The following ASIC2 variants were observed in gnomAD, a reference collection of about 807,000 sequenced individuals.
ASIC2 encodes acid-sensing ion channel 2.
In ASIC2, 25 loss-of-function variants were observed where a neutral mutation model predicts 57.3. The observed-to-expected ratio is 0.44, with a 90% CI of 0.32 to 0.61. The LOEUF is 0.61. Among genes scored for constraint, ASIC2 ranks in the 20% least tolerant of loss-of-function variants. The pLI, the probability that ASIC2 is intolerant of heterozygous loss-of-function variation, is 0.06. For missense variants in ASIC2, 641 were observed against 738.1 expected (o/e 0.87, Z 1.52); for synonymous variants, 319 against 307.5 (o/e 1.04, Z -0.39).
intron 1 of ASIC2, among the ~76,000 whole-genome samples, chr17:33,212,399 G>A (rs948674198): frequency 1.3e-5 from 2 of 152,102 alleles, no homozygotes; most frequent in Admixed American, 6.5e-5. Flanking sequence ...GGAATGTGGC[G>A]GCCCCTAGAA....
intron 1 of ASIC2, among the ~76,000 whole-genome samples, chr17:33,646,401 T>C (rs1906740918): frequency 6.6e-6 from 1 of 152,292 alleles, no homozygotes; most frequent in African/African-American, 2.4e-5. Context: ...GATGCTAGCA[T>C]GGGAGTGAAG....
Position 33,292,070 on chromosome 17 carries a change from C to G in ASIC2, c.46G>C (p.Gly16Arg). 1 of 1,073,084 alleles carries G rather than the reference C, an allele frequency of 9.3e-7. No homozygotes were observed. The highest frequency in any genetic ancestry group is 1.1e-6 in the Non-Finnish European group (1 of 890,224). 66.5% of individuals were successfully genotyped at this position (1,073,084 alleles called of 1,614,324 possible). A position where few individuals can be genotyped will look rare whatever the true frequency, so the allele number is the denominator to read the frequency against. Residue 16 changes from glycine (G) to arginine (R), a missense_variant, in exon 1 of 10, where the codon GGC (glycine) becomes CGC (arginine). By Grantham distance (125) the Gly-to-Arg change is moderately radical (BLOSUM62 -2). Transcript: ENST00000225823. ...CGGGCCATGCGGAAGCGTCCCGGGC[C>G]GGTGAGCGCGGCTGCGGGCAGCCCG... is the stretch of plus-strand genomic sequence containing the variant. Reference protein sequence around the residue: ...GAGLPAAALTGPGRFRMAREE... With the variant: ...GAGLPAAALTRPGRFRMAREE...
At chr17:33,193,617 C>G (rs2142070707) in intron 1 of ASIC2, among the ~76,000 whole-genome samples, 1 of 152,294 alleles carries the variant, frequency 6.6e-6, no homozygotes, top group East Asian at 1.9e-4. Flanking sequence ...CTGACAGGTA[C>G]AGCATGTGGA....
intron 1 of ASIC2, among the ~76,000 whole-genome samples, chr17:33,167,679 A>G (rs1347810672): frequency 2.0e-5 from 3 of 152,216 alleles, no homozygotes; most frequent in Non-Finnish European, 2.9e-5. Flanking sequence ...GTCTTAACCC[A>G]ATAGTGCGAC....
chr17:33,069,826 A>G (rs1042265790), intron 3 of ASIC2, among the ~76,000 whole-genome samples: 1 of 152,136 alleles, frequency 6.6e-6, no homozygotes, highest in African/African-American at 2.4e-5. Context: ...TGGTTAAACC[A>G]TTTGCATTAA....
chr17:34,090,158 A>AG (rs1028226450), intron 1 of ASIC2, among the ~76,000 whole-genome samples: 1 of 152,160 alleles, frequency 6.6e-6, no homozygotes, highest in Non-Finnish European at 1.5e-5. Flanking sequence ...GTGGAGGGCT[A>AG]GGGGGATGTG....
chr17:33,045,860 A>G (rs1440858539), intron 3 of ASIC2, among the ~76,000 whole-genome samples: 2 of 152,046 alleles, frequency 1.3e-5, no homozygotes, highest in Non-Finnish European at 2.9e-5. Flanking sequence ...CCTGAGTCCA[A>G]CTTCCACCCT....
intron 1 of ASIC2, among the ~76,000 whole-genome samples, chr17:33,730,649 A>C (rs1405567751): frequency 2.6e-5 from 4 of 152,230 alleles, no homozygotes; most frequent in Non-Finnish European, 4.4e-5. Flanking sequence ...AGTCTTGCTT[A>C]CTTTGTTAAA....
intron 1 of ASIC2, among the ~76,000 whole-genome samples, chr17:33,898,712 T>A (rs1312289479): frequency 6.6e-6 from 1 of 152,220 alleles, no homozygotes; most frequent in Admixed American, 6.5e-5. Flanking sequence ...TTTGTCAGCA[T>A]ATCTTTTTAT....
At chr17:33,915,339 G>A (rs1344652174) in intron 1 of ASIC2, among the ~76,000 whole-genome samples, 1 of 152,088 alleles carries the variant, frequency 6.6e-6, no homozygotes, top group Non-Finnish European at 1.5e-5. Context: ...GCATGAATGG[G>A]CCCCACCTCC....
intron 1 of ASIC2, among the ~76,000 whole-genome samples, chr17:33,244,078 G>A (rs1446950190): frequency 6.6e-6 from 1 of 152,114 alleles, no homozygotes; most frequent in African/African-American, 2.4e-5. Context: ...GCTAACTGTG[G>A]TGCTGAGGGA....
At chr17:33,454,154 T>G (rs549025046) in intron 1 of ASIC2, among the ~76,000 whole-genome samples, 26 of 152,350 alleles carry the variant, frequency 1.7e-4, no homozygotes, top group African/African-American at 6.3e-4. Context: ...TTTCTTTTAC[T>G]TGTCCCCAGC....
At chr17:33,572,719 T>C (rs1171615296) in intron 1 of ASIC2, among the ~76,000 whole-genome samples, 1 of 152,188 alleles carries the variant, frequency 6.6e-6, no homozygotes, top group African/African-American at 2.4e-5. Context: ...TGTGAGTAAA[T>C]AGGACCAATG....
intron 1 of ASIC2, among the ~76,000 whole-genome samples, chr17:33,972,635 G>A (rs1258003211): frequency 6.6e-6 from 1 of 152,180 alleles, no homozygotes; most frequent in Non-Finnish European, 1.5e-5. Flanking sequence ...CTCAAGCTAA[G>A]GTGTGAAAAG....
At chr17:33,240,325 G>GT (rs796160181) in intron 1 of ASIC2, among the ~76,000 whole-genome samples, 15 of 151,718 alleles carry the variant, frequency 9.9e-5, no homozygotes, top group Admixed American at 3.3e-4. Flanking sequence ...GAACCTACAG[G>GT]TTTTTTTTTG....
At chr17:33,078,886 G>A (rs1314727340) in intron 3 of ASIC2, among the ~76,000 whole-genome samples, 1 of 152,200 alleles carries the variant, frequency 6.6e-6, no homozygotes, top group Non-Finnish European at 1.5e-5. Flanking sequence ...ATGTCAATAT[G>A]AGATGATGAG....
chr17:34,139,198 G>T (rs1912204787), intron 1 of ASIC2, among the ~76,000 whole-genome samples: 1 of 152,302 alleles, frequency 6.6e-6, no homozygotes, highest in South Asian at 2.1e-4. Context: ...TTAGCCAAAT[G>T]ATCAAAAACT....
At chr17:33,897,815 C>A (rs1024716478) in intron 1 of ASIC2, among the ~76,000 whole-genome samples, 5 of 152,112 alleles carry the variant, frequency 3.3e-5, no homozygotes, top group Non-Finnish European at 5.9e-5. Flanking sequence ...GGGAAAGGGG[C>A]CTGTTGTGTG....
rs1567716144 is a variant in ASIC2, at chr17:33,013,250, C to G, written c.*715G>C. On this transcript the variant is annotated 3_prime_UTR_variant, in exon 10 of 10. Transcript: ENST00000225823. ...AATCTCCATCGGACAAACATAAAAG[C>G]CCCCCTACCCCAGATAAAAAGAATC... 6.6e-6 allele frequency: 1 copy of G among 152,202 alleles called. No individual in the cohort carries two copies. Among genetic ancestry groups the G allele is most frequent in the African/African-American group, 2.4e-5 (1 of 41,406 alleles). The allele number at this position is 152,202 out of a possible 1,614,324, so 9.4% of individuals were successfully genotyped here.
Sources: allele counts gnomAD v4.1 joint callset (sites outside exome capture counted in the v4.1 genomes callset), GRCh38; gene constraint gnomAD v4.1.1; transcripts MANE v1.5; gene names NCBI Gene and HGNC (gene_info 2026-07-23, HGNC 2026-07-21).